Variants in CEMIP2 observed in about 807,000 individuals in gnomAD.
CEMIP2 encodes the protein cell migration inducing hyaluronidase 2.
A neutral mutation model predicts 146.9 loss-of-function variants in CEMIP2; 79 were observed. That is an observed-to-expected ratio of 0.54 (90% CI 0.45 to 0.65). The LOEUF (loss-of-function observed/expected upper bound fraction) is 0.65. Ranked by LOEUF, CEMIP2 falls within the 30% of genes least tolerant of loss-of-function variation. The probability of loss-of-function intolerance (pLI) is 0.00; values close to 1 mark genes in which losing one functional copy is unlikely to be tolerated. For missense variants in CEMIP2, 1,596 were observed against 1,696.2 expected, an observed-to-expected ratio of 0.94 and a Z score of 1.04; for synonymous variants, 601 against 606.3, an observed-to-expected ratio of 0.99 and a Z score of 0.13.
chr9:71,696,693 C>A (rs551393049), intron 20 of CEMIP2, among the ~76,000 whole-genome samples: 1 of 152,150 alleles, frequency 6.6e-6, no homozygotes, highest in Non-Finnish European at 1.5e-5. Flanking sequence ...ATCCCTTGAA[C>A]CCGGGAGGCA....
chr9:71,712,013 G>T, intron 16 of CEMIP2, 70 bp downstream of exon 16: 2 of 1,533,076 alleles, frequency 1.3e-6, no homozygotes, highest in Non-Finnish European at 1.8e-6. Context: ...TTGCGTTTTT[G>T]TCTTTGGGAA....
chr9:71,764,821 T>C (rs1439147323), intron 1 of CEMIP2, among the ~76,000 whole-genome samples: 2 of 116,944 alleles, frequency 1.7e-5, no homozygotes, highest in African/African-American at 5.1e-5. Flanking sequence ...AGAATAGACT[T>C]TAACAATCTA....
upstream of CEMIP2, chr9:71,768,874 C>G (rs989937754): frequency 1.5e-4 from 11 of 73,678 alleles, no homozygotes; most frequent in African/African-American, 5.4e-4. Context: ...CAGCCCGGCT[C>G]GGCTGGGCCG....
intron 17 of CEMIP2, chr9:71,705,037 T>G (rs1272319404): frequency 2.0e-6 from 1 of 504,992 alleles, no homozygotes; most frequent in Admixed American, 3.3e-5. Context: ...TCATCATCGC[T>G]TCCACCACTA....
At chr9:71,722,654 TA>T (rs11385294) in intron 11 of CEMIP2, 139 bp from the exon 12 acceptor site, 188,365 of 446,472 alleles carry the variant, frequency 0.42, 20,764 homozygotes, top group Non-Finnish European at 0.47. Flanking sequence ...AAAGGTACTG[TA>T]AAAAAAAAAA....
At chr9:71,694,097 A>ATTTT (rs1462625218) in intron 21 of CEMIP2, among the ~76,000 whole-genome samples, 9 of 127,256 alleles carry the variant, frequency 7.1e-5, no homozygotes, top group East Asian at 4.8e-4. Context: ...TCTGTTGTTT[A>ATTTT]TTTTTATTTA....
rs542516617 is a variant in CEMIP2, at chr9:71,696,400, T to A, written c.3597+1585A>T. ...TTGGTTTCTCTGGTTGGTTGATTTT[T>A]GATTTTACTTGTATGAGAGAGTAGA... On this transcript the variant is annotated intron_variant, in intron 20 of 23. Transcript: ENST00000377044. Among the ~76,000 whole-genome samples the A allele has an allele frequency of 1.2e-3, 184 of 152,076 alleles. 1 individual carries two copies. Among genetic ancestry groups the A allele is most frequent in the African/African-American group, 4.3e-3 (180 of 41,454 alleles).
At chr9:71,708,014 G>A (rs1299366490) in intron 17 of CEMIP2, among the ~76,000 whole-genome samples, 2 of 152,026 alleles carry the variant, frequency 1.3e-5, no homozygotes, top group Admixed American at 1.3e-4. Flanking sequence ...GTGAAACCCC[G>A]TCTCTATTAA....
rs375577136 is a variant in CEMIP2, at chr9:71,717,929, C to A, written c.2399+19G>T. On this transcript the variant is annotated intron_variant, in intron 13 of 23. Transcript: ENST00000377044. ...ATACATCAGTGTCATCATATAATAA[C>A]TTGGTAGAGAATACCCACGCTGAAT... is the stretch of plus-strand genomic sequence containing the variant. 3 of 1,595,868 alleles carry A rather than the reference C, an allele frequency of 1.9e-6. No homozygotes were observed. The African/African-American group carries it at 4.1e-5, about 22-fold the overall frequency.
chr9:71,693,430 C>T (rs1165023105), intron 21 of CEMIP2, among the ~76,000 whole-genome samples: 1 of 152,180 alleles, frequency 6.6e-6, no homozygotes, highest in Admixed American at 6.5e-5. Context: ...CATCAAGCCA[C>T]TTAGAAAAGA....
chr9:71,735,088 A>C, intron 5 of CEMIP2, 94 bp from the exon 6 acceptor site: 1 of 1,429,928 alleles, frequency 7.0e-7, no homozygotes. Flanking sequence ...CACAAATCAA[A>C]AGTTAAGATA....
At chr9:71,737,677 ACT>A (rs1428544228) in intron 5 of CEMIP2, among the ~76,000 whole-genome samples, 1 of 152,142 alleles carries the variant, frequency 6.6e-6, no homozygotes, top group African/African-American at 2.4e-5. Flanking sequence ...GGCTCTGCCA[ACT>A]ATCCAGATAA....
At chr9:71,752,167 C>G (rs1490708253) in intron 1 of CEMIP2, among the ~76,000 whole-genome samples, 4 of 151,832 alleles carry the variant, frequency 2.6e-5, no homozygotes, top group African/African-American at 9.7e-5. Flanking sequence ...GGACTTAAAC[C>G]TAGGTATTTT....
In CEMIP2 at chr9:71,729,928, T is replaced by G. The variant is rs780691075; in HGVS notation, c.1980-14A>C. 1 of 1,614,112 alleles carries G rather than the reference T, an allele frequency of 6.2e-7. No individual in the cohort carries two copies. On this transcript the variant is annotated splice_polypyrimidine_tract_variant and intron_variant, in intron 9 of 23. Coordinates refer to ENST00000377044, the MANE Select transcript of CEMIP2 (RefSeq NM_013390.3). ...GTTGAAACAGCCCTGCAAGGCATTT[T>G]TCAAGGTGATTTAAACATTCTTCAT...
rs192150975 is a variant in CEMIP2 at position 71,754,590 on chromosome 9, C to A, written c.-12-4205G>T. Among the ~76,000 whole-genome samples, 147 of 152,184 alleles carry A rather than the reference C, an allele frequency of 9.7e-4. 1 individual carries two copies. Among genetic ancestry groups the A allele is most frequent in the Admixed American group, 8.9e-3 (136 of 15,284 alleles). ...AGACAAACTACAGACTGTGACAACACCTAAAATAAGACAGATAATCCAAAA... is the reference window on the plus strand; with the variant it reads ...AGACAAACTACAGACTGTGACAACAACTAAAATAAGACAGATAATCCAAAA... On this transcript the variant is annotated intron_variant, in intron 1 of 23. Transcript: ENST00000377044.
intron 6 of CEMIP2, 151 bp downstream of exon 6, chr9:71,734,655 T>C (rs1310407413): frequency 1.8e-6 from 1 of 546,300 alleles, no homozygotes; most frequent in Non-Finnish European, 2.9e-6. Context: ...AATCTAGTGT[T>C]TGATGCACTC....
chr9:71,689,165 G>GT (rs1160652023), intron 22 of CEMIP2, among the ~76,000 whole-genome samples: 1 of 152,168 alleles, frequency 6.6e-6, no homozygotes, highest in Non-Finnish European at 1.5e-5. Context: ...AATTGAGGCT[G>GT]TACAAGTGTC....
chr9:71,757,075 G>T (rs1824481746), intron 1 of CEMIP2, among the ~76,000 whole-genome samples: 1 of 152,148 alleles, frequency 6.6e-6, no homozygotes, highest in Non-Finnish European at 1.5e-5. Context: ...CACTTACATG[G>T]TGGTTGAGGA....
At chr9:71,769,081 G>A (rs538789393), upstream of CEMIP2, among the ~76,000 whole-genome samples, 1 of 152,248 alleles carries the variant, frequency 6.6e-6, no homozygotes, top group Non-Finnish European at 1.5e-5. Context: ...CGCACTGCCG[G>A]CGGGGCAGAG....
Sources: gnomAD v4.1 joint callset for allele counts (sites outside exome capture counted in the v4.1 genomes callset) on GRCh38, gnomAD v4.1.1 for gene constraint, MANE v1.5 for transcripts, NCBI Gene and HGNC (gene_info 2026-07-23, HGNC 2026-07-21) for gene names.